Variants in ZNF341 observed in about 807,000 individuals in gnomAD.
ZNF341 encodes zinc finger protein 341.
ZNF341 carries 52 observed loss-of-function variants against 87.7 expected under a neutral mutation model. That is an observed-to-expected ratio of 0.59 (90% CI 0.47 to 0.75). ZNF341 has a LOEUF of 0.75. ZNF341 is among the 30% of genes least tolerant of loss of function. The pLI is 0.00. For synonymous variants in ZNF341, 459 were observed against 472.7 expected, an observed-to-expected ratio of 0.97 and a Z score of 0.38; for missense variants, 977 against 1,145.9, an observed-to-expected ratio of 0.85 and a Z score of 2.13.
At chr20:33,789,408 C>T in intron 13 of ZNF341, 110 bp from the exon 14 acceptor site, 1 of 1,150,856 alleles carries the variant, frequency 8.7e-7, no homozygotes, top group Non-Finnish European at 1.3e-6. Context: ...CCTCCTTGCC[C>T]AGCCCTTAGG....
chr20:33,779,368 C>T (rs1601284120), intron 10 of ZNF341, among the ~76,000 whole-genome samples: 1 of 152,108 alleles, frequency 6.6e-6, no homozygotes, highest in African/African-American at 2.4e-5. Flanking sequence ...AACTCACCTC[C>T]AGCACTGGGG....
intron 1 of ZNF341, among the ~76,000 whole-genome samples, chr20:33,737,901 G>T (rs958880400): frequency 2.0e-5 from 3 of 152,094 alleles, no homozygotes; most frequent in Non-Finnish European, 2.9e-5. Flanking sequence ...ACTTTGGGAG[G>T]TCAAGGCGGG....
intron 1 of ZNF341, among the ~76,000 whole-genome samples, chr20:33,736,435 C>A (rs1379951311): frequency 6.6e-6 from 1 of 152,148 alleles, no homozygotes; most frequent in African/African-American, 2.4e-5. Flanking sequence ...ATAGCCCTTC[C>A]CCAAAACTAA....
chr20:33,733,484 G>T (rs1340394023), intron 1 of ZNF341, among the ~76,000 whole-genome samples: 1 of 151,474 alleles, frequency 6.6e-6, no homozygotes, highest in Non-Finnish European at 1.5e-5. Flanking sequence ...TGATCCGCCC[G>T]CCTTGGCCTC....
chr20:33,762,611 G>A (rs78686835), intron 8 of ZNF341, among the ~76,000 whole-genome samples: 2 of 151,648 alleles, frequency 1.3e-5, no homozygotes, highest in African/African-American at 4.9e-5. Flanking sequence ...GTGGTTTGCT[G>A]CACGTATCAC....
intron 4 of ZNF341, among the ~76,000 whole-genome samples, chr20:33,751,238 A>AT (rs985937750): frequency 2.0e-5 from 3 of 151,796 alleles, no homozygotes; most frequent in Admixed American, 6.6e-5. Context: ...CACCTGCTTG[A>AT]TTTTTTTTGT....
chr20:33,755,927 A>G (rs1393362456), intron 5 of ZNF341, among the ~76,000 whole-genome samples: 1 of 151,868 alleles, frequency 6.6e-6, no homozygotes, highest in African/African-American at 2.4e-5. Flanking sequence ...AGGAAGACCA[A>G]TGGATGATGA....
chr20:33,790,215 G>A (rs994671300), intron 14 of ZNF341, among the ~76,000 whole-genome samples: 1 of 151,934 alleles, frequency 6.6e-6, no homozygotes, highest in Non-Finnish European at 1.5e-5. Context: ...GGGATTACAG[G>A]TGCCTGCCAC....
chr20:33,735,700 C>T (rs1294122115), intron 1 of ZNF341, among the ~76,000 whole-genome samples: 1 of 152,030 alleles, frequency 6.6e-6, no homozygotes, highest in Non-Finnish European at 1.5e-5. Flanking sequence ...AAGAGAGATC[C>T]CACGTGTCCT....
intron 2 of ZNF341, among the ~76,000 whole-genome samples, chr20:33,742,556 T>C (rs1319402400): frequency 6.6e-6 from 1 of 151,678 alleles, no homozygotes; most frequent in Non-Finnish European, 1.5e-5. Context: ...CCTCAGGTGA[T>C]CCACCCACTT....
Position 33,791,171 on chromosome 20 carries a change from A to G in ZNF341, c.2219A>G (p.Asp740Gly). The G allele has an allele frequency of 1.2e-6, 2 of 1,613,140 alleles. No homozygotes were observed. The highest frequency in any genetic ancestry group is 1.7e-6 in the Non-Finnish European group (2 of 1,179,982). Reference sequence around the variant, plus strand: ...CGTCTCGGCCCCCAAAAGGACAAGGACCTGCAAACCCGGCGGCCCCCCCAG... The same window carrying G: ...CGTCTCGGCCCCCAAAAGGACAAGGGCCTGCAAACCCGGCGGCCCCCCCAG... ...RCRLGPQKDK[D>G]LQTRRPPQRR... The change falls in exon 15 of 15, where the codon GAC (aspartate) becomes GGC (glycine). Residue 740 changes from aspartate (D) to glycine (G), a missense_variant. By Grantham distance (94) the Asp-to-Gly change is moderately conservative (BLOSUM62 -1). This residue lies in a region of ZNF341 where 221 missense variants were observed against 212.7 expected (regional missense o/e 1.04). Coordinates refer to ENST00000375200, the MANE Select transcript of ZNF341 (RefSeq NM_001282933.2).
At chr20:33,784,835 C>T (rs546469730) in intron 12 of ZNF341, among the ~76,000 whole-genome samples, 15 of 152,142 alleles carry the variant, frequency 9.9e-5, no homozygotes, top group African/African-American at 3.4e-4. Context: ...AGGCTGGTTT[C>T]GAACTCCTGA....
In ZNF341 at chr20:33,736,281, GTAAC is replaced by G. The variant is rs545936914; in HGVS notation, c.31+4230_31+4233del. Among the ~76,000 whole-genome samples the G allele has an allele frequency of 1.6e-3, 238 of 151,884 alleles. 1 individual carries two copies. The highest frequency in any genetic ancestry group is 5.4e-3 in the African/African-American group (223 of 41,456). ...TTCTGAAACTGCCTCTGCAAAAATT[GTAAC>G]AGTGAGAAAATCATGACAGAGAAAG... On this transcript the variant is annotated intron_variant, in intron 1 of 14. Transcript: ENST00000375200.
At chr20:33,764,543 G>GTGTA (rs1332743148) in intron 8 of ZNF341, among the ~76,000 whole-genome samples, 1 of 69,338 alleles carries the variant, frequency 1.4e-5, no homozygotes, top group East Asian at 1.3e-3. Flanking sequence ...GTGTGTATGT[G>GTGTA]TATATATATA....
At chr20:33,738,731 G>A (rs565707021) in intron 1 of ZNF341, among the ~76,000 whole-genome samples, 3 of 152,286 alleles carry the variant, frequency 2.0e-5, no homozygotes, top group Non-Finnish European at 4.4e-5. Flanking sequence ...GCCATTGAAG[G>A]GAGGAGAGAT....
At chr20:33,781,154 A>C in intron 10 of ZNF341, 137 bp from the exon 11 acceptor site, 1 of 710,232 alleles carries the variant, frequency 1.4e-6, no homozygotes, top group Non-Finnish European at 2.6e-6. Flanking sequence ...AGGCAGTGGC[A>C]ATTGAGAAGA....
At chr20:33,772,393 C>T (rs1264779430) in intron 10 of ZNF341, among the ~76,000 whole-genome samples, 1 of 152,130 alleles carries the variant, frequency 6.6e-6, no homozygotes, top group African/African-American at 2.4e-5. Context: ...TTTGGTGTTT[C>T]TGTTAATGAG....
chr20:33,775,926 C>T (rs1209557879), intron 10 of ZNF341, among the ~76,000 whole-genome samples: 2 of 151,980 alleles, frequency 1.3e-5, no homozygotes, highest in Non-Finnish European at 2.9e-5. Flanking sequence ...CCTAGAACTC[C>T]AAGGCTCAAG....
rs754130618 is a variant in ZNF341 at position 33,758,813 on chromosome 20, A to G, written c.1028+7A>G. ...TGCAGCAGCACATCCGAAGGTACAC[A>G]TGCGTGGTGAGGCAGGTGGCTCCTG... is the stretch of plus-strand genomic sequence containing the variant. On this transcript the variant is annotated splice_region_variant and intron_variant, in intron 7 of 14. Coordinates refer to ENST00000375200, the MANE Select transcript of ZNF341 (RefSeq NM_001282933.2). 1.9e-6 allele frequency: 3 copies of G among 1,612,854 alleles called. No homozygotes were observed. Among genetic ancestry groups the G allele is most frequent in the Non-Finnish European group, 1.7e-6 (2 of 1,179,322 alleles).
Sources: allele counts gnomAD v4.1 joint callset (sites outside exome capture counted in the v4.1 genomes callset), GRCh38; gene constraint gnomAD v4.1.1; regional missense constraint gnomAD v4.1.1; transcripts MANE v1.5; gene names NCBI Gene and HGNC (gene_info 2026-07-23, HGNC 2026-07-21).